FAM83G: variants seen among roughly 807,000 people sequenced by gnomAD.
FAM83G encodes the protein scaffolding CK1 anchoring protein G, also known as protein FAM83G.
Under a neutral mutation model 61.5 loss-of-function variants are expected in FAM83G, and 38 were observed. The observed-to-expected ratio is 0.62, with a 90% CI of 0.48 to 0.81. The LOEUF (loss-of-function observed/expected upper bound fraction) is 0.81, where lower values mean the gene tolerates loss of function less well. Among genes scored for constraint, FAM83G ranks in the 30% least tolerant of loss-of-function variants. FAM83G has a pLI of 0.00. For missense variants in FAM83G, 989 were observed against 1,133.6 expected, an observed-to-expected ratio of 0.87 and a Z score of 1.83; for synonymous variants, 470 against 476.1, an observed-to-expected ratio of 0.99 and a Z score of 0.17.
chr17:18,992,009 C>T lies in FAM83G; in HGVS notation c.523-3595G>A, dbSNP rs183871459. The stretch of plus-strand genomic sequence containing the variant: ...AGGCTGCACTGGAGGGAAACACCAG[C>T]AGGGATGTGGGCACTCCTCCAGTGA... On this transcript the variant is annotated intron_variant, in intron 2 of 5. Coordinates refer to ENST00000388995, the MANE Select transcript of FAM83G (RefSeq NM_001039999.3). Among the ~76,000 whole-genome samples, 39 of 152,296 alleles carry T rather than the reference C, an allele frequency of 2.6e-4. 1 individual carries two copies. The highest frequency in any genetic ancestry group is 2.5e-3 in the Admixed American group (38 of 15,306).
chr17:18,971,812 C>T lies in FAM83G; in HGVS notation c.2083-64G>A, dbSNP rs1482530869. 8.7e-6 allele frequency: 13 copies of T among 1,501,884 alleles called. No homozygotes were observed. The highest frequency in any genetic ancestry group is 1.1e-5 in the Non-Finnish European group (12 of 1,124,438). The allele number at this position is 1,501,884 out of a possible 1,614,324, so 93.0% of individuals were successfully genotyped here. On this transcript the variant is annotated intron_variant, in intron 5 of 5. Coordinates refer to ENST00000388995, the MANE Select transcript of FAM83G (RefSeq NM_001039999.3). This position sits in a 1 kb window ranked among gnomAD's most constrained non-coding sequence, Gnocchi z 5.5. ...GGGCCAACCCCGCCCCAGCACAGGA[C>T]CCTGCTCAGGCACACAGGAGCCGGC...
chr17:18,978,116 G>C lies in FAM83G; in HGVS notation c.1550C>G (p.Ala517Gly). Reference sequence around the variant, plus strand: ...CCAGCCAATATCACTGCTGTCCCGGGCTAGTACATCTGCCACAGGGACTGT... The same window carrying C: ...CCAGCCAATATCACTGCTGTCCCGGCCTAGTACATCTGCCACAGGGACTGT... ...PRTVPVADVL[A>G]RDSSDIGWVL... The change falls in exon 5 of 6, where the codon GCC (alanine) becomes GGC (glycine). Residue 517 changes from alanine (A) to glycine (G), a missense_variant. Ala to Gly is a moderately conservative substitution (Grantham distance 60, BLOSUM62 0). Transcript: ENST00000388995. The C allele has an allele frequency of 6.6e-7, 1 of 1,518,204 alleles. No individual in the cohort carries two copies. The highest frequency in any genetic ancestry group is 1.3e-5 in the South Asian group (1 of 75,914). The allele number at this position is 1,518,204 out of a possible 1,614,324, so 94.0% of individuals were successfully genotyped here.
In FAM83G at chr17:18,969,745, T is replaced by A. The variant is rs1597831020; in HGVS notation, c.*1614A>T. On this transcript the variant is annotated 3_prime_UTR_variant, in exon 6 of 6. Transcript: ENST00000388995. ...ATGGTGAGGTGGGGCTGTAGGCGGG[T>A]GTGAAGGCACACAACCAGGAGGCCA... 3.2e-6 allele frequency: 1 copy of A among 311,740 alleles called. No individual in the cohort carries two copies. The highest frequency in any genetic ancestry group is 4.8e-5 in the Admixed American group (1 of 20,812). 19.3% of individuals were successfully genotyped at this position (311,740 alleles called of 1,614,324 possible).
intron 3 of FAM83G, among the ~76,000 whole-genome samples, chr17:18,983,994 T>G (rs1351440081): frequency 1.3e-5 from 2 of 152,134 alleles, no homozygotes; most frequent in Middle Eastern, 3.2e-3. Flanking sequence ...ACCCCCAAGG[T>G]GGACAGTTAA....
intron 3 of FAM83G, among the ~76,000 whole-genome samples, chr17:18,984,330 CTCA>C (rs1259684189): frequency 9.5e-5 from 11 of 115,470 alleles, no homozygotes; most frequent in African/African-American, 4.7e-4. Flanking sequence ...AAGACTCCCT[CTCA>C]AAAAAAAAAA....
At chr17:18,984,234 G>C (rs552200157) in intron 3 of FAM83G, among the ~76,000 whole-genome samples, 26 of 151,894 alleles carry the variant, frequency 1.7e-4, no homozygotes, top group East Asian at 9.7e-4. Context: ...CCCAGCTACT[G>C]GGGAGGCTGA....
chr17:19,004,139 C>G lies in FAM83G; in HGVS notation c.-98G>C. 1 of 1,215,882 alleles carries G rather than the reference C, an allele frequency of 8.2e-7. No homozygotes were observed. Among genetic ancestry groups the G allele is most frequent in the Non-Finnish European group, 1.1e-6 (1 of 876,818 alleles). The allele number at this position is 1,215,882 out of a possible 1,614,324, so 75.3% of individuals were successfully genotyped here. On this transcript the variant is annotated 5_prime_UTR_variant, in exon 2 of 6. Transcript: ENST00000388995. The surrounding 1 kb of genome is among the most constrained non-coding windows in gnomAD (Gnocchi z 5.4). Reference sequence around the variant, plus strand: ...GGCACCGCGCGCTCGGGGGCCTCTCCGCGGCCTCTGCTTCTCTGCCCATGA... The same window carrying G: ...GGCACCGCGCGCTCGGGGGCCTCTCGGCGGCCTCTGCTTCTCTGCCCATGA...
rs1430573842 is a variant in FAM83G at position 18,969,679 on chromosome 17, G to C, written c.*1680C>G. The C allele has an allele frequency of 6.8e-6, 3 of 439,170 alleles. No individual in the cohort carries two copies. Among genetic ancestry groups the C allele is most frequent in the Non-Finnish European group, 1.2e-5 (3 of 247,702 alleles). The allele number at this position is 439,170 out of a possible 1,614,324, so 27.2% of individuals were successfully genotyped here. A position where few individuals can be genotyped will look rare whatever the true frequency, so the allele number is the denominator to read the frequency against. On this transcript the variant is annotated 3_prime_UTR_variant, in exon 6 of 6. Transcript: ENST00000388995. ...CTGGCCCTGGCAAGGAGCTGACTCA[G>C]GAACTCAGGGCCAGCCACACCCGCA...
chr17:18,968,923 AG>A lies in FAM83G; in HGVS notation c.*2435del, dbSNP rs1445542005. On this transcript the variant is annotated 3_prime_UTR_variant, in exon 6 of 6. Transcript: ENST00000388995. The surrounding 1 kb of genome is among the most constrained non-coding windows in gnomAD (Gnocchi z 4.1). ...GCCCCGTGATGCAGGCAGGCAGGCGAGTGGGGGTCTCCCCTCCTTATCCACA... is the reference window on the plus strand; with the variant it reads ...GCCCCGTGATGCAGGCAGGCAGGCGATGGGGGTCTCCCCTCCTTATCCACA... 2 of 757,558 alleles carry A rather than the reference AG, an allele frequency of 2.6e-6. No homozygotes were observed. The highest frequency in any genetic ancestry group is 5.5e-5 in the East Asian group (2 of 36,360). The allele number at this position is 757,558 out of a possible 1,614,324, so 46.9% of individuals were successfully genotyped here. A position where few individuals can be genotyped will look rare whatever the true frequency, so the allele number is the denominator to read the frequency against.
chr17:18,977,898 G>C lies in FAM83G; in HGVS notation c.1768C>G (p.Leu590Val). The change falls in exon 5 of 6, where the codon CTC becomes GTC. Residue 590 changes from leucine (L) to valine (V), a missense_variant. Around this residue, in one of 3 missense-constraint regions of FAM83G, gnomAD observed 574 missense variants for 645.1 expected, o/e 0.89. Transcript: ENST00000388995. ...EEEDDDDYVT[L>V]SDQDSHSGSS... ...CCTGAGTGGCTGTCCTGGTCACTGA[G>C]GGTTACGTAGTCGTCATCATCTTCT... 6.2e-7 allele frequency: 1 copy of C among 1,610,716 alleles called. No individual in the cohort carries two copies. The highest frequency in any genetic ancestry group is 1.3e-5 in the African/African-American group (1 of 75,052).
At position 19,003,601 on chromosome 17, in the gene FAM83G, A is replaced by T; in HGVS notation, c.441T>A (p.Ala147=). The T allele has an allele frequency of 6.2e-7, 1 of 1,610,950 alleles. No homozygotes were observed. Among genetic ancestry groups the T allele is most frequent in the Non-Finnish European group, 8.5e-7 (1 of 1,178,752 alleles). The change falls in exon 2 of 6, where the codon GCT becomes GCA. Residue 147 remains alanine, a synonymous_variant. Transcript: ENST00000388995. This position sits in a 1 kb window ranked among gnomAD's most constrained non-coding sequence, Gnocchi z 4.5. ...DTIAYRGVTR[A]SVYMQPPIDG... ...CTATGGGGGGCTGCATGTAGACGCT[A>T]GCCCGGGTCACGCCGCGGTAGGCGA...
At chr17:18,986,801 G>A (rs529104901) in intron 3 of FAM83G, among the ~76,000 whole-genome samples, 2 of 152,352 alleles carry the variant, frequency 1.3e-5, no homozygotes, top group South Asian at 4.1e-4. Context: ...GTGCTGGTGG[G>A]GCCCCACTGG....
Position 18,977,886 on chromosome 17 carries a change from C to T in FAM83G, c.1780G>A (p.Asp594Asn), listed in dbSNP as rs772271859. Residue 594 changes from aspartate to asparagine, a missense_variant, in exon 5 of 6, where the codon GAC becomes AAC. By Grantham distance (23) the Asp-to-Asn change is conservative. Around this residue, in one of 3 missense-constraint regions of FAM83G, gnomAD observed 574 missense variants for 645.1 expected, o/e 0.89. Coordinates refer to ENST00000388995, the MANE Select transcript of FAM83G (RefSeq NM_001039999.3). ...CGGCCGGAGCTGCCTGAGTGGCTGTCCTGGTCACTGAGGGTTACGTAGTCG... is the reference window on the plus strand; with the variant it reads ...CGGCCGGAGCTGCCTGAGTGGCTGTTCTGGTCACTGAGGGTTACGTAGTCG... ...DDDYVTLSDQ[D>N]SHSGSSGRGP... is the part of the protein sequence containing the mutation. 6.2e-6 allele frequency: 10 copies of T among 1,610,966 alleles called. No homozygotes were observed. Among genetic ancestry groups the T allele is most frequent in the Middle Eastern group, 1.6e-4 (1 of 6,062 alleles).
chr17:18,985,782 C>T (rs562374576), intron 3 of FAM83G, among the ~76,000 whole-genome samples: 22 of 152,140 alleles, frequency 1.4e-4, no homozygotes, highest in Admixed American at 9.2e-4. Flanking sequence ...GGAAGCGAGG[C>T]GGCTGAGCAG....
In FAM83G at chr17:19,000,327, G is replaced by A. The variant is rs540609296; in HGVS notation, c.522+3193C>T. On this transcript the variant is annotated intron_variant, in intron 2 of 5. Transcript: ENST00000388995. The surrounding 1 kb of genome is among the most constrained non-coding windows in gnomAD (Gnocchi z 5.2). ...CACAGGGCAGCAAGGTGTCAGGGCTGAAGGGGCCCCTAACAGTCTTCAATA... is the reference window on the plus strand; with the variant it reads ...CACAGGGCAGCAAGGTGTCAGGGCTAAAGGGGCCCCTAACAGTCTTCAATA... Among the ~76,000 whole-genome samples the A allele has an allele frequency of 3.7e-4, 56 of 152,208 alleles. 1 individual carries two copies. The highest frequency in any genetic ancestry group is 6.9e-4 in the Non-Finnish European group (47 of 68,030).
At position 18,977,688 on chromosome 17, in the gene FAM83G, C is replaced by A; in HGVS notation, c.1978G>T (p.Val660Phe). The A allele has an allele frequency of 6.2e-7, 1 of 1,610,704 alleles. No homozygotes were observed. The highest frequency in any genetic ancestry group is 1.1e-5 in the South Asian group (1 of 91,020). Reference protein sequence around the residue: ...SAPHITRGTFVGPQGGSPWAQ... With the variant: ...SAPHITRGTFFGPQGGSPWAQ... ...CATGGGGAGCCACCCTGGGGTCCAA[C>A]AAAGGTCCCTCGGGTTATATGGGGG... Residue 660 changes from valine (V) to phenylalanine (F), a missense_variant, in exon 5 of 6, where the codon GTT becomes TTT. Around this residue, in one of 3 missense-constraint regions of FAM83G, gnomAD observed 574 missense variants for 645.1 expected, o/e 0.89. Transcript: ENST00000388995.
In FAM83G at chr17:19,000,424, C is replaced by T. The variant is rs1052253061; in HGVS notation, c.522+3096G>A. The stretch of plus-strand genomic sequence containing the variant: ...TGGGGCTTGTTCCAGGTCCCACAGT[C>T]AGGCAGAGGCAGAGCACGGACTCTT... On this transcript the variant is annotated intron_variant, in intron 2 of 5. Transcript: ENST00000388995. This position sits in a 1 kb window ranked among gnomAD's most constrained non-coding sequence, Gnocchi z 5.2. Among the ~76,000 whole-genome samples, 8 of 152,194 alleles carry T rather than the reference C, an allele frequency of 5.3e-5. No homozygotes were observed. Among genetic ancestry groups the T allele is most frequent in the Non-Finnish European group, 1.5e-5 (1 of 68,012 alleles).
chr17:19,000,535 G>A lies in FAM83G; in HGVS notation c.522+2985C>T, dbSNP rs551482614. On this transcript the variant is annotated intron_variant, in intron 2 of 5. Transcript: ENST00000388995. This position sits in a 1 kb window ranked among gnomAD's most constrained non-coding sequence, Gnocchi z 5.2. ...CAGCAGTCCTGACAGGAACACAGCC[G>A]CTCCCCTAAGTGCTGCGTCACTTCC... 6.6e-4 allele frequency among the ~76,000 whole-genome samples: 101 copies of A among 152,242 alleles called. 1 individual carries two copies. The highest frequency in any genetic ancestry group is 1.1e-3 in the Non-Finnish European group (78 of 68,012).
At chr17:18,974,468 T>C (rs1272072654) in intron 5 of FAM83G, among the ~76,000 whole-genome samples, 2 of 152,254 alleles carry the variant, frequency 1.3e-5, no homozygotes, top group Non-Finnish European at 2.9e-5. Flanking sequence ...TTGGTGTCCC[T>C]GTCTGTGAAA....
Sources: gnomAD v4.1 joint callset for allele counts (sites outside exome capture counted in the v4.1 genomes callset) on GRCh38, gnomAD v4.1.1 for gene constraint, gnomAD v4.1.1 regional missense constraint, Gnocchi (gnomAD v3.1) non-coding constraint, MANE v1.5 for transcripts, NCBI Gene and HGNC (gene_info 2026-07-23, HGNC 2026-07-21) for gene names.